PTPRD: variants seen among roughly 807,000 people sequenced by gnomAD.
The protein encoded by PTPRD is protein tyrosine phosphatase receptor type D, also known as receptor-type tyrosine-protein phosphatase delta.
A neutral mutation model predicts 214.5 loss-of-function variants in PTPRD; 34 were observed. The ratio of observed to expected loss-of-function variants is 0.16; its 90% CI spans 0.12 to 0.21. The LOEUF is 0.21. Among genes scored for constraint, PTPRD ranks in the 10% least tolerant of loss-of-function variants. PTPRD has a pLI of 1.00. For missense variants in PTPRD, 2,545 were observed against 2,398.7 expected (o/e 1.06, Z -1.27); for synonymous variants, 1,128 against 845.7 (o/e 1.33, Z -5.79).
chr9:10,579,388 T>C (rs1279447507), intron 2 of PTPRD, among the ~76,000 whole-genome samples: 1 of 152,180 alleles, frequency 6.6e-6, no homozygotes, highest in Non-Finnish European at 1.5e-5. Context: ...GTTCCTGTGT[T>C]AATTCACTTA....
At chr9:9,537,366 G>T (rs935056761) in intron 8 of PTPRD, among the ~76,000 whole-genome samples, 9 of 152,034 alleles carry the variant, frequency 5.9e-5, no homozygotes, top group African/African-American at 2.2e-4. Context: ...TAATTTTAAA[G>T]TGGAGAATTA....
At chr9:8,525,693 A>C (rs1259189900) in intron 17 of PTPRD, among the ~76,000 whole-genome samples, 1 of 152,206 alleles carries the variant, frequency 6.6e-6, no homozygotes, top group East Asian at 1.9e-4. Flanking sequence ...AGATTTTTAA[A>C]AAGTTAAAAG....
intron 4 of PTPRD, among the ~76,000 whole-genome samples, chr9:9,988,097 T>C (rs1483233604): frequency 6.6e-6 from 1 of 152,198 alleles, no homozygotes; most frequent in Non-Finnish European, 1.5e-5. Flanking sequence ...GAGTGTTTGA[T>C]AGCTAAATTT....
intron 2 of PTPRD, among the ~76,000 whole-genome samples, chr9:10,406,799 AG>A (rs1379550962): frequency 1.6e-5 from 1 of 64,342 alleles, no homozygotes; most frequent in Non-Finnish European, 4.4e-5. Context: ...AGATGTAAAA[AG>A]ATTTTGAAAA....
intron 5 of PTPRD, among the ~76,000 whole-genome samples, chr9:9,936,434 C>G (rs961382535): frequency 6.6e-6 from 1 of 151,572 alleles, no homozygotes; most frequent in African/African-American, 2.4e-5. Context: ...AGACACTTCT[C>G]AAAAGAAGAC....
At chr9:8,716,598 TAC>T (rs781676908) in intron 12 of PTPRD, among the ~76,000 whole-genome samples, 4 of 130,494 alleles carry the variant, frequency 3.1e-5, no homozygotes, top group Non-Finnish European at 5.9e-5. Context: ...CCCAAAGATG[TAC>T]TTCCTTTAGC....
At chr9:10,231,239 A>G (rs1036904574) in intron 3 of PTPRD, among the ~76,000 whole-genome samples, 1 of 151,992 alleles carries the variant, frequency 6.6e-6, no homozygotes, top group Non-Finnish European at 1.5e-5. Flanking sequence ...GGAAGAATAT[A>G]TGAAATAATG....
intron 14 of PTPRD, among the ~76,000 whole-genome samples, chr9:8,608,998 C>T (rs2095344070): frequency 6.6e-6 from 1 of 152,178 alleles, no homozygotes; most frequent in Admixed American, 6.5e-5. Context: ...GTGTTTCCCA[C>T]ATATCACCTC....
chr9:10,196,815 T>C (rs1284782226), intron 3 of PTPRD, among the ~76,000 whole-genome samples: 2 of 143,514 alleles, frequency 1.4e-5, no homozygotes, highest in Non-Finnish European at 3.0e-5. Context: ...TGTTCAGAAG[T>C]GGGGCTCTTA....
At position 9,648,698 on chromosome 9, in the gene PTPRD, T is replaced by C. The variant is rs556791299; in HGVS notation, c.-286-73917A>G. 5.3e-5 allele frequency among the ~76,000 whole-genome samples: 8 copies of C among 152,332 alleles called. No homozygotes were observed. The South Asian group carries it at 1.4e-3, about 28-fold the overall frequency. On this transcript the variant is annotated intron_variant, in intron 7 of 45. Transcript: ENST00000381196. The stretch of plus-strand genomic sequence containing the variant: ...ATATTTATTGAAAACTAATTAGCCA[T>C]GAATTGCAGGGAAATTGCTTGAATT...
At position 9,235,089 on chromosome 9, in the gene PTPRD, GC is replaced by G. The variant is rs1300479923; in HGVS notation, c.-202-51727del. On this transcript the variant is annotated intron_variant, in intron 9 of 45. Coordinates refer to ENST00000381196, the MANE Select transcript of PTPRD (RefSeq NM_002839.4). Reference sequence around the variant, plus strand: ...CTCACAGTTCCACATGGCTGGGGAGGCCTCAGGAAACTTATAATCATGGCAG... The same window carrying G: ...CTCACAGTTCCACATGGCTGGGGAGGCTCAGGAAACTTATAATCATGGCAG... 2.0e-5 allele frequency among the ~76,000 whole-genome samples: 3 copies of G among 152,274 alleles called. No individual in the cohort carries two copies. In the East Asian group the frequency reaches 5.8e-4, roughly 29 times the overall value.
chr9:8,523,726 G>A (rs566330951), intron 18 of PTPRD, among the ~76,000 whole-genome samples: 1 of 152,222 alleles, frequency 6.6e-6, no homozygotes, highest in South Asian at 2.1e-4. Context: ...AGAAACAATA[G>A]CTAGCATCAT....
At chr9:9,537,252 T>C (rs1195236593) in intron 8 of PTPRD, among the ~76,000 whole-genome samples, 1 of 151,958 alleles carries the variant, frequency 6.6e-6, no homozygotes, top group Non-Finnish European at 1.5e-5. Context: ...TTTTTATTTT[T>C]ATAGAAAAAA....
At chr9:10,166,577 G>A (rs2099160560) in intron 3 of PTPRD, among the ~76,000 whole-genome samples, 1 of 151,926 alleles carries the variant, frequency 6.6e-6, no homozygotes, top group African/African-American at 2.4e-5. Flanking sequence ...GCTGACTAAT[G>A]TGAATTTCTC....
At chr9:8,341,323 A>C (rs781645350) in intron 40 of PTPRD, 55 bp from the exon 41 acceptor site, 388 of 1,519,554 alleles carry the variant, frequency 2.6e-4, no homozygotes, top group Non-Finnish European at 3.3e-4. Context: ...ATTTTCACCT[A>C]CAGTTTGAAT....
chr9:8,410,787 C>T (rs897545631), intron 35 of PTPRD, among the ~76,000 whole-genome samples: 2 of 152,202 alleles, frequency 1.3e-5, no homozygotes, highest in South Asian at 2.1e-4. Context: ...AATTTTGACT[C>T]TAACATACTA....
intron 4 of PTPRD, among the ~76,000 whole-genome samples, chr9:9,991,684 C>T (rs1394777639): frequency 1.3e-5 from 2 of 152,236 alleles, no homozygotes; most frequent in African/African-American, 4.8e-5. Flanking sequence ...ACTTTTAAAA[C>T]AGTGCACAGT....
At chr9:10,396,131 A>T (rs745425389) in intron 2 of PTPRD, among the ~76,000 whole-genome samples, 4 of 151,818 alleles carry the variant, frequency 2.6e-5, no homozygotes, top group Non-Finnish European at 5.9e-5. Context: ...TCAGATTGTT[A>T]TACCTCCTCA....
intron 34 of PTPRD, chr9:8,438,715 C>T (rs1253237095): frequency 6.6e-6 from 1 of 151,902 alleles, no homozygotes; most frequent in Non-Finnish European, 1.5e-5. Flanking sequence ...TCGAGCGGAT[C>T]GTGGGAGAGA....
Sources: gnomAD v4.1 joint callset for allele counts (sites outside exome capture counted in the v4.1 genomes callset) on GRCh38, gnomAD v4.1.1 for gene constraint, MANE v1.5 for transcripts, NCBI Gene and HGNC (gene_info 2026-07-23, HGNC 2026-07-21) for gene names.